SBNO1: variants seen among roughly 807,000 people sequenced by gnomAD.
The protein encoded by SBNO1 is strawberry notch homolog 1, also known as protein strawberry notch homolog 1.
SBNO1 carries 23 observed loss-of-function variants against 173.6 expected under a neutral mutation model. The observed-to-expected ratio is 0.13, with a 90% CI of 0.10 to 0.19. SBNO1 has a LOEUF of 0.19. Ranked by LOEUF, SBNO1 falls within the 10% of genes least tolerant of loss-of-function variation. SBNO1 has a pLI of 1.00. For synonymous variants in SBNO1, 632 were observed against 571.5 expected (o/e 1.11, Z -1.51); for missense variants, 1,238 against 1,671.2 (o/e 0.74, Z 4.52).
intron 2 of SBNO1, among the ~76,000 whole-genome samples, chr12:123,348,392 G>A (rs989710925): frequency 2.6e-5 from 4 of 152,176 alleles, no homozygotes; most frequent in Non-Finnish European, 5.9e-5. Flanking sequence ...GGGAGGCCGA[G>A]GTGGGCGGAT....
intron 1 of SBNO1, chr12:123,364,276 G>T (rs1875812985): frequency 1.0e-6 from 1 of 985,470 alleles, no homozygotes; most frequent in Admixed American, 6.1e-5. Flanking sequence ...AGAGGACTTG[G>T]GAAGGATCCG....
chr12:123,290,742 CTT>C lies in SBNO1; in HGVS notation c.*5164_*5165del, dbSNP rs112885602. 5 of 145,032 alleles carry C rather than the reference CTT, an allele frequency of 3.4e-5. No homozygotes were observed. Among genetic ancestry groups the C allele is most frequent in the Non-Finnish European group, 6.1e-5 (4 of 65,866 alleles). 9.0% of individuals were successfully genotyped at this position (145,032 alleles called of 1,614,324 possible). On this transcript the variant is annotated 3_prime_UTR_variant, in exon 32 of 32. Coordinates refer to ENST00000602398, the MANE Select transcript of SBNO1 (RefSeq NM_001167856.3). ...TTGTTCCTTAATGTACATTCTCTCT[CTT>C]TTTTTTTTTTCGAGACGGAGTCTCG...
At chr12:123,333,137 A>C (rs1871415791) in intron 7 of SBNO1, among the ~76,000 whole-genome samples, 1 of 152,144 alleles carries the variant, frequency 6.6e-6, no homozygotes, top group Non-Finnish European at 1.5e-5. Context: ...AAAAAAAAAA[A>C]AGTGCTGGGA....
At chr12:123,361,398 G>A (rs1260048639) in intron 1 of SBNO1, among the ~76,000 whole-genome samples, 2 of 150,892 alleles carry the variant, frequency 1.3e-5, no homozygotes, top group Non-Finnish European at 1.5e-5. Flanking sequence ...AAAATACAAA[G>A]TTAACCAGAC....
At chr12:123,322,429 G>A (rs1163133201) in intron 16 of SBNO1, among the ~76,000 whole-genome samples, 2 of 152,072 alleles carry the variant, frequency 1.3e-5, no homozygotes, top group Non-Finnish European at 2.9e-5. Flanking sequence ...CTTATAGCTG[G>A]GATTATAAGG....
At chr12:123,362,706 T>G (rs1315785405) in intron 1 of SBNO1, among the ~76,000 whole-genome samples, 18 of 140,722 alleles carry the variant, frequency 1.3e-4, no homozygotes, top group Non-Finnish European at 2.6e-4. Flanking sequence ...AAGGCAGAGG[T>G]TGCAGTGAGC....
chr12:123,299,314 G>C (rs2048704126), intron 30 of SBNO1, among the ~76,000 whole-genome samples: 1 of 151,528 alleles, frequency 6.6e-6, no homozygotes, highest in Non-Finnish European at 1.5e-5. Flanking sequence ...CTTGCAGTGA[G>C]CCGAGATCGT....
chr12:123,321,898 A>G (rs150063528), intron 16 of SBNO1, among the ~76,000 whole-genome samples, 166 bp from the exon 17 acceptor site: 2,165 of 152,306 alleles, frequency 0.014, 25 homozygotes, highest in Middle Eastern at 0.034. Context: ...AACCTTTTGG[A>G]CTCCCATAAA....
At chr12:123,320,176 G>A in intron 19 of SBNO1, 145 bp from the exon 20 acceptor site, 1 of 980,034 alleles carries the variant, frequency 1.0e-6, no homozygotes, top group Non-Finnish European at 1.5e-6. Flanking sequence ...CTGCAACAGA[G>A]TCCCTGGAAA....
At chr12:123,339,237 C>T (rs1314596109) in intron 5 of SBNO1, among the ~76,000 whole-genome samples, 1 of 152,062 alleles carries the variant, frequency 6.6e-6, no homozygotes, top group East Asian at 1.9e-4. Flanking sequence ...TCCCAAAATT[C>T]TTTTGGTATC....
intron 1 of SBNO1, among the ~76,000 whole-genome samples, chr12:123,356,294 G>A (rs1874451712): frequency 6.6e-6 from 1 of 152,152 alleles, no homozygotes; most frequent in African/African-American, 2.4e-5. Context: ...TTAGCTACTA[G>A]CTAGCTACTA....
At chr12:123,362,009 C>A (rs528397587) in intron 1 of SBNO1, among the ~76,000 whole-genome samples, 1 of 151,062 alleles carries the variant, frequency 6.6e-6, no homozygotes. Flanking sequence ...CATGGTGGCA[C>A]GCGCCTGTAG....
intron 30 of SBNO1, among the ~76,000 whole-genome samples, chr12:123,302,055 G>A (rs1016535146): frequency 6.6e-6 from 1 of 150,656 alleles, no homozygotes; most frequent in Non-Finnish European, 1.5e-5. Flanking sequence ...ATTCTGCCTC[G>A]GCCTCCTGAA....
chr12:123,314,581 G>A (rs939131104), intron 23 of SBNO1, among the ~76,000 whole-genome samples: 2 of 151,634 alleles, frequency 1.3e-5, no homozygotes, highest in African/African-American at 4.8e-5. Flanking sequence ...ACCCACCTCG[G>A]TCTCCCAAAG....
At chr12:123,328,374 C>G (rs1398823924) in intron 10 of SBNO1, among the ~76,000 whole-genome samples, 2 of 152,146 alleles carry the variant, frequency 1.3e-5, no homozygotes, top group East Asian at 3.8e-4. Context: ...TCATGCAGGA[C>G]AGTTAAAAGA....
chr12:123,308,446 A>T (rs550389096), intron 28 of SBNO1, among the ~76,000 whole-genome samples: 3 of 152,148 alleles, frequency 2.0e-5, no homozygotes, highest in Non-Finnish European at 2.9e-5. Flanking sequence ...CAAGGCGGGC[A>T]GATCACGAGG....
At position 123,334,199 on chromosome 12, in the gene SBNO1, G is replaced by A. The variant is rs773791743; in HGVS notation, c.763C>T (p.Arg255Cys). ...YMPIKLKIGLRHPDAVVETSS... is the reference protein window; with the variant it reads ...YMPIKLKIGLCHPDAVVETSS... ...GTTTCCACTACAGCATCTGGATGAC[G>A]TAGGCCAATTTTTACTAAACAAAAA... Residue 255 changes from arginine to cysteine, a missense_variant, in exon 7 of 32, where the codon CGT (arginine) becomes TGT (cysteine). Coordinates refer to ENST00000602398, the MANE Select transcript of SBNO1 (RefSeq NM_001167856.3). The A allele has an allele frequency of 6.4e-6, 10 of 1,572,126 alleles. No homozygotes were observed. Among genetic ancestry groups the A allele is most frequent in the Non-Finnish European group, 8.6e-6 (10 of 1,164,542 alleles).
At position 123,292,391 on chromosome 12, in the gene SBNO1, A is replaced by C. The variant is rs936911283; in HGVS notation, c.*3517T>G. ...CCCCTACTTCCATGAAGTGAGATGC[A>C]ACAATCATTTCCAATCTATTTTTTT... On this transcript the variant is annotated 3_prime_UTR_variant, in exon 32 of 32. Transcript: ENST00000602398. 11 of 152,208 alleles carry C rather than the reference A, an allele frequency of 7.2e-5. No individual in the cohort carries two copies. The highest frequency in any genetic ancestry group is 2.4e-4 in the African/African-American group (10 of 41,458). 9.4% of individuals were successfully genotyped at this position (152,208 alleles called of 1,614,324 possible). A position where few individuals can be genotyped will look rare whatever the true frequency, so the allele number is the denominator to read the frequency against.
chr12:123,330,609 AAAAAAAAG>A, intron 8 of SBNO1, 100 bp from the exon 9 acceptor site: 1 of 608,858 alleles, frequency 1.6e-6, no homozygotes, highest in African/African-American at 2.1e-5. Context: ...TAAAAAAAAA[AAAAAAAAG>A]AAAAAGAAAA....
Sources: allele counts gnomAD v4.1 joint callset (sites outside exome capture counted in the v4.1 genomes callset), GRCh38; gene constraint gnomAD v4.1.1; transcripts MANE v1.5; gene names NCBI Gene and HGNC (gene_info 2026-07-23, HGNC 2026-07-21).